The following AKAP19 variants were observed in gnomAD, a reference collection of about 807,000 sequenced individuals.
The protein encoded by AKAP19 is small A-kinase anchoring protein.
At chr2:189,962,864 C>T in the AKAP19 span, among the ~76,000 whole-genome samples, 9 of 151,890 alleles carry the variant, frequency 5.9e-5, no homozygotes, top group East Asian at 9.7e-4. Context: ...CATTATAATA[C>T]ATATATATTA....
At chr2:190,145,970 T>G in the AKAP19 span, among the ~76,000 whole-genome samples, 1 of 63,718 alleles carries the variant, frequency 1.6e-5, no homozygotes, top group African/African-American at 4.2e-5. Context: ...TGATGGTTAT[T>G]CCATTTTTCT....
chr2:190,061,194 C>A, the AKAP19 span, among the ~76,000 whole-genome samples: 1 of 152,060 alleles, frequency 6.6e-6, no homozygotes, highest in Admixed American at 6.6e-5. Flanking sequence ...TGCATTGTAA[C>A]CTGATTACTT....
chr2:190,171,212 C>CA, the AKAP19 span, among the ~76,000 whole-genome samples: 1 of 146,812 alleles, frequency 6.8e-6, no homozygotes, highest in Admixed American at 6.9e-5. Context: ...TTACAAAATG[C>CA]AAGTAAAATA....
the AKAP19 span, among the ~76,000 whole-genome samples, chr2:190,135,887 A>C: frequency 0.54 from 82,127 of 152,018 alleles, 22,810 homozygotes; most frequent in Middle Eastern, 0.65. Context: ...CAGTTGGGGC[A>C]TTCTCATTAT....
At chr2:190,164,937 G>A in the AKAP19 span, among the ~76,000 whole-genome samples, 1 of 152,060 alleles carries the variant, frequency 6.6e-6, no homozygotes, top group Admixed American at 6.6e-5. Context: ...GATTTTTGTT[G>A]GTTATACATC....
chr2:189,976,478 G>C, the AKAP19 span, among the ~76,000 whole-genome samples: 1 of 152,162 alleles, frequency 6.6e-6, no homozygotes, highest in African/African-American at 2.4e-5. Context: ...GCTGCGTGCT[G>C]GGAGAACCAC....
the AKAP19 span, among the ~76,000 whole-genome samples, chr2:189,941,007 G>T: frequency 6.6e-6 from 1 of 152,174 alleles, no homozygotes; most frequent in African/African-American, 2.4e-5. Flanking sequence ...AATAGCAAGA[G>T]AAAAGAAGAA....
the AKAP19 span, among the ~76,000 whole-genome samples, chr2:190,114,736 T>G: frequency 3.9e-4 from 59 of 152,248 alleles, no homozygotes; most frequent in African/African-American, 1.3e-3. Flanking sequence ...GATTACAGGC[T>G]TGAGCCACCG....
At chr2:189,994,302 G>A in the AKAP19 span, among the ~76,000 whole-genome samples, 34 of 151,898 alleles carry the variant, frequency 2.2e-4, no homozygotes, top group African/African-American at 4.1e-4. Context: ...GTGAGCTGCC[G>A]CGCCCAGCCT....
chr2:190,149,324 T>C, the AKAP19 span, among the ~76,000 whole-genome samples: 1 of 152,152 alleles, frequency 6.6e-6, no homozygotes, highest in Non-Finnish European at 1.5e-5. Context: ...TCAATTTCAC[T>C]TAGTTCTCTG....
chr2:189,884,226 A>G, the AKAP19 span, among the ~76,000 whole-genome samples: 1 of 152,102 alleles, frequency 6.6e-6, no homozygotes, highest in African/African-American at 2.4e-5. Context: ...TTCTTTACAG[A>G]GGCATTTTTG....
At chr2:189,887,049 G>A in the AKAP19 span, among the ~76,000 whole-genome samples, 13 of 151,900 alleles carry the variant, frequency 8.6e-5, no homozygotes, top group Non-Finnish European at 1.6e-4. Flanking sequence ...ATGCAGATTC[G>A]TTACATAGGT....
chr2:189,930,224 C>T, the AKAP19 span: 5 of 222,940 alleles, frequency 2.2e-5, no homozygotes, highest in Non-Finnish European at 4.5e-5. Flanking sequence ...TCAAAACCCC[C>T]CAACATGATG....
the AKAP19 span, among the ~76,000 whole-genome samples, chr2:190,191,029 C>G: frequency 1.9e-4 from 29 of 152,288 alleles, no homozygotes; most frequent in African/African-American, 6.7e-4. Context: ...CCTTTTGAGA[C>G]TAGCTTGTTC....
At chr2:190,148,953 C>CTTTTTTTTTTTT in the AKAP19 span, among the ~76,000 whole-genome samples, 1 of 134,086 alleles carries the variant, frequency 7.5e-6, no homozygotes, top group Non-Finnish European at 1.6e-5. Context: ...TCTTTTCTTT[C>CTTTTTTTTTTTT]TTTTTTTTTT....
At chr2:190,068,071 G>A in the AKAP19 span, among the ~76,000 whole-genome samples, 11 of 152,004 alleles carry the variant, frequency 7.2e-5, no homozygotes, top group African/African-American at 2.2e-4. Context: ...GTGCGGTGGC[G>A]TGAGACAGAG....
At chr2:189,980,250 A>G in the AKAP19 span, among the ~76,000 whole-genome samples, 9 of 152,246 alleles carry the variant, frequency 5.9e-5, no homozygotes, top group African/African-American at 1.9e-4. Flanking sequence ...ATGAAATCAT[A>G]TCCTTTGCAG....
the AKAP19 span, among the ~76,000 whole-genome samples, chr2:190,054,825 A>G: frequency 2.0e-5 from 3 of 152,206 alleles, no homozygotes; most frequent in Admixed American, 2.0e-4. Flanking sequence ...AAGTCAGGAA[A>G]CAACAGGTGC....
the AKAP19 span, chr2:190,057,673 A>G: frequency 7.5e-6 from 12 of 1,609,564 alleles, no homozygotes; most frequent in African/African-American, 1.2e-4. Context: ...AGTAATATCA[A>G]TAGGCCTGGA....
Sources: gnomAD v4.1 joint callset for allele counts (sites outside exome capture counted in the v4.1 genomes callset) on GRCh38, gnomAD v4.1.1 for gene constraint, MANE v1.5 for transcripts, NCBI Gene and HGNC (gene_info 2026-07-23, HGNC 2026-07-21) for gene names.